Variants in EPHA6 observed in about 807,000 individuals in gnomAD.
The protein encoded by EPHA6 is ephrin type-A receptor 6.
A neutral mutation model predicts 112.0 loss-of-function variants in EPHA6; 50 were observed. The ratio of observed to expected loss-of-function variants is 0.45; its 90% CI spans 0.36 to 0.56. The LOEUF is 0.56. EPHA6 is among the 20% of genes least tolerant of loss of function. The pLI is 0.00. For missense variants in EPHA6, 1,280 were observed against 1,417.4 expected, an observed-to-expected ratio of 0.90 and a Z score of 1.56; for synonymous variants, 529 against 490.7, an observed-to-expected ratio of 1.08 and a Z score of -1.03.
chr3:97,235,854 A>G (rs1434739090), intron 4 of EPHA6, among the ~76,000 whole-genome samples: 1 of 151,918 alleles, frequency 6.6e-6, no homozygotes, highest in African/African-American at 2.4e-5. Context: ...CCAGTTACAT[A>G]CCTGCAGGTT....
chr3:97,244,583 A>G, intron 5 of EPHA6: 1 of 382,850 alleles, frequency 2.6e-6, no homozygotes, highest in South Asian at 1.3e-4. Flanking sequence ...ATTACTTACC[A>G]ATAGAAGTCA....
chr3:97,627,561 T>C (rs1202341349), intron 13 of EPHA6, among the ~76,000 whole-genome samples: 1 of 151,902 alleles, frequency 6.6e-6, no homozygotes, highest in Non-Finnish European at 1.5e-5. Flanking sequence ...TAAGTATTTA[T>C]GCTTGATGAA....
chr3:97,560,344 G>T (rs1365739334), intron 11 of EPHA6: 1 of 151,926 alleles, frequency 6.6e-6, no homozygotes, highest in African/African-American at 2.4e-5. Flanking sequence ...TATGGGTTTT[G>T]TTCAACAGAT....
At chr3:97,732,342 C>A (rs2035072773) in intron 15 of EPHA6, among the ~76,000 whole-genome samples, 1 of 151,726 alleles carries the variant, frequency 6.6e-6, no homozygotes, top group African/African-American at 2.4e-5. Context: ...CTTCCTGAGG[C>A]TGGGTTAGGT....
At chr3:97,243,715 A>G (rs1228235350) in intron 4 of EPHA6, among the ~76,000 whole-genome samples, 1 of 151,934 alleles carries the variant, frequency 6.6e-6, no homozygotes, top group Non-Finnish European at 1.5e-5. Context: ...TGATTTTTAT[A>G]TTAAATATTG....
At chr3:97,425,015 A>G (rs368127791) in intron 6 of EPHA6, among the ~76,000 whole-genome samples, 3 of 152,290 alleles carry the variant, frequency 2.0e-5, no homozygotes, top group South Asian at 2.1e-4. Context: ...TCCAGGTTAT[A>G]CTGATGCAAG....
chr3:97,221,993 A>T (rs1450462980), intron 3 of EPHA6, among the ~76,000 whole-genome samples: 1 of 150,776 alleles, frequency 6.6e-6, no homozygotes, highest in Non-Finnish European at 1.5e-5. Context: ...GCACCACTGC[A>T]CTCCAGCCTG....
rs76356047 is a variant in EPHA6, at chr3:97,753,489, T to C, written c.*4788T>C. ...CGGAGGGGAAGCATACTTCCTGGGT[T>C]CTCTAAAACAGTTTCTCTCATTAAC... On this transcript the variant is annotated 3_prime_UTR_variant, in exon 18 of 18. Coordinates refer to ENST00000389672, the MANE Select transcript of EPHA6 (RefSeq NM_001080448.3). Among the ~76,000 whole-genome samples the C allele has an allele frequency of 0.038, 5,824 of 152,204 alleles. 202 individuals carry two copies. The highest frequency in any genetic ancestry group is 0.094 in the African/African-American group (3,903 of 41,528).
At chr3:97,407,582 T>C (rs1415632264) in intron 6 of EPHA6, among the ~76,000 whole-genome samples, 1 of 152,062 alleles carries the variant, frequency 6.6e-6, no homozygotes, top group Non-Finnish European at 1.5e-5. Flanking sequence ...CCTTATTCAG[T>C]TAATTACATT....
intron 3 of EPHA6, among the ~76,000 whole-genome samples, chr3:97,204,610 G>A (rs2077665941): frequency 6.6e-6 from 1 of 152,066 alleles, no homozygotes; most frequent in South Asian, 2.1e-4. Context: ...TTCTTTCTAT[G>A]AGAATTTAAC....
chr3:97,603,506 G>A (rs2093658260), intron 12 of EPHA6, among the ~76,000 whole-genome samples: 1 of 151,722 alleles, frequency 6.6e-6, no homozygotes, highest in Admixed American at 6.6e-5. Flanking sequence ...ATTTTAAAAA[G>A]GAAATGAAAT....
chr3:97,267,607 T>A (rs1185798261), intron 5 of EPHA6, among the ~76,000 whole-genome samples: 1 of 152,168 alleles, frequency 6.6e-6, no homozygotes, highest in Non-Finnish European at 1.5e-5. Context: ...ATATTTTAAA[T>A]TTGAAGTTCA....
chr3:97,524,834 T>C (rs1162800316), intron 10 of EPHA6, among the ~76,000 whole-genome samples: 1 of 152,172 alleles, frequency 6.6e-6, no homozygotes, highest in East Asian at 1.9e-4. Context: ...TGAGAAGTCA[T>C]GTATAGTCCT....
At chr3:96,831,016 ATGT>A (rs1024394722) in intron 1 of EPHA6, among the ~76,000 whole-genome samples, 3 of 152,152 alleles carry the variant, frequency 2.0e-5, no homozygotes, top group Non-Finnish European at 2.9e-5. Flanking sequence ...TCAAAAAATA[ATGT>A]TGTACATGAT....
chr3:97,514,752 A>G (rs1226953016), intron 10 of EPHA6, among the ~76,000 whole-genome samples: 3 of 152,096 alleles, frequency 2.0e-5, no homozygotes, highest in African/African-American at 4.8e-5. Flanking sequence ...CATAGAAGAG[A>G]AAGAGAGAGA....
At chr3:96,910,329 A>G (rs1316390875) in intron 2 of EPHA6, among the ~76,000 whole-genome samples, 2 of 151,974 alleles carry the variant, frequency 1.3e-5, no homozygotes, top group Admixed American at 6.6e-5. Flanking sequence ...AACCACAACT[A>G]TGTTAGTCCT....
At chr3:96,943,309 A>G (rs1246933439) in intron 2 of EPHA6, among the ~76,000 whole-genome samples, 1 of 152,178 alleles carries the variant, frequency 6.6e-6, no homozygotes, top group African/African-American at 2.4e-5. Context: ...GAAATGATAA[A>G]TTTTTGAAGT....
chr3:97,027,273 C>A (rs1349216639), intron 3 of EPHA6, among the ~76,000 whole-genome samples: 1 of 152,108 alleles, frequency 6.6e-6, no homozygotes. Context: ...GAACAACACA[C>A]ACTGGGGCCT....
In EPHA6 at chr3:96,914,764, T is replaced by A. The variant is rs542748046; in HGVS notation, c.450+47875T>A. 2.0e-5 allele frequency among the ~76,000 whole-genome samples: 3 copies of A among 152,260 alleles called. No homozygotes were observed. In the East Asian group the frequency reaches 5.8e-4, roughly 29 times the overall value. ...ACATACATAATCTAGAGTAAAGTTG[T>A]ATATTTTGATTTTTTTCATACTCTT... On this transcript the variant is annotated intron_variant, in intron 2 of 17. Coordinates refer to ENST00000389672, the MANE Select transcript of EPHA6 (RefSeq NM_001080448.3).
Sources: allele counts gnomAD v4.1 joint callset (sites outside exome capture counted in the v4.1 genomes callset), GRCh38; gene constraint gnomAD v4.1.1; transcripts MANE v1.5; gene names NCBI Gene and HGNC (gene_info 2026-07-23, HGNC 2026-07-21).